Variants in SNX29 observed in about 807,000 individuals in gnomAD.
SNX29 encodes the protein sorting nexin 29.
A neutral mutation model predicts 102.1 loss-of-function variants in SNX29; 78 were observed. The observed-to-expected ratio is 0.76, with a 90% CI of 0.64 to 0.92. SNX29 has a LOEUF of 0.92. Among genes scored for constraint, SNX29 ranks in the 40% least tolerant of loss-of-function variants. The pLI is 0.00. For synonymous variants in SNX29, 580 were observed against 414.5 expected (o/e 1.40, Z -4.85); for missense variants, 1,280 against 1,061.7 (o/e 1.21, Z -2.86).
chr16:12,559,078 C>CT (rs1416572134), intron 20 of SNX29, among the ~76,000 whole-genome samples: 14 of 152,230 alleles, frequency 9.2e-5, no homozygotes, highest in African/African-American at 3.1e-4. Flanking sequence ...ACCGCTGTGT[C>CT]CCCGTGCTCC....
chr16:12,202,620 T>G lies in SNX29; in HGVS notation c.1678+2937T>G, dbSNP rs539496069. Among the ~76,000 whole-genome samples the G allele has an allele frequency of 9.8e-5, 15 of 152,330 alleles. No individual in the cohort carries two copies. The South Asian group carries it at 3.1e-3, about 32-fold the overall frequency. ...CTGTTGTTAATGGCGTTGGACACCC[T>G]TTCTCCTCGCCACGGAGCCAGTGTA... On this transcript the variant is annotated intron_variant, in intron 14 of 20. Transcript: ENST00000566228.
chr16:12,541,387 C>G (rs907062802), intron 20 of SNX29, among the ~76,000 whole-genome samples: 1 of 152,160 alleles, frequency 6.6e-6, no homozygotes, highest in Non-Finnish European at 1.5e-5. Context: ...TTACCATGTG[C>G]AGGCTCATTG....
chr16:12,137,163 A>G (rs1428040976), intron 13 of SNX29, among the ~76,000 whole-genome samples: 2 of 152,130 alleles, frequency 1.3e-5, no homozygotes, highest in African/African-American at 2.4e-5. Context: ...ATTTTTTCCT[A>G]GGATTGTTGG....
intron 18 of SNX29, among the ~76,000 whole-genome samples, chr16:12,423,696 G>A (rs1397353329): frequency 2.0e-5 from 3 of 152,022 alleles, no homozygotes; most frequent in Non-Finnish European, 4.4e-5. Context: ...TCAGCCTCCC[G>A]AATAGCTGGG....
intron 15 of SNX29, among the ~76,000 whole-genome samples, chr16:12,312,306 CCT>C (rs1198542279): frequency 6.6e-6 from 1 of 152,194 alleles, no homozygotes. Context: ...AGGGCTTGCT[CCT>C]CTCTGAATTT....
intron 11 of SNX29, among the ~76,000 whole-genome samples, chr16:12,088,549 G>C (rs913799274): frequency 6.6e-6 from 1 of 152,198 alleles, no homozygotes; most frequent in African/African-American, 2.4e-5. Context: ...ATGGCGTTTC[G>C]AGTGTTGACA....
chr16:12,515,413 A>T, intron 19 of SNX29: 1 of 439,242 alleles, frequency 2.3e-6, no homozygotes, highest in Non-Finnish European at 4.6e-6. Context: ...GAATGAGAGG[A>T]TGAATGATTG....
At chr16:12,502,984 C>G (rs545118943) in intron 19 of SNX29, among the ~76,000 whole-genome samples, 2 of 152,332 alleles carry the variant, frequency 1.3e-5, no homozygotes, top group African/African-American at 4.8e-5. Flanking sequence ...GTGTTTAAGA[C>G]TATGTGCCTT....
chr16:12,479,670 G>T (rs2151826472), intron 19 of SNX29, among the ~76,000 whole-genome samples: 1 of 152,256 alleles, frequency 6.6e-6, no homozygotes, highest in African/African-American at 2.4e-5. Context: ...TGACCCATAG[G>T]CTCATACAAA....
chr16:12,277,836 G>A (rs2079303032), intron 14 of SNX29, 97 bp from the exon 15 acceptor site: 1 of 1,000,336 alleles, frequency 1.0e-6, no homozygotes. Context: ...TTTTCAGTCT[G>A]AAGTCATCTG....
intron 19 of SNX29, among the ~76,000 whole-genome samples, chr16:12,507,710 A>G (rs917445792): frequency 4.6e-5 from 7 of 152,138 alleles, no homozygotes; most frequent in Admixed American, 3.3e-4. Context: ...CTTATGAGAA[A>G]ACTCCAGAAC....
intron 20 of SNX29, among the ~76,000 whole-genome samples, chr16:12,563,913 G>A (rs753095345): frequency 2.0e-5 from 3 of 152,224 alleles, no homozygotes; most frequent in East Asian, 1.9e-4. Context: ...GCAGGCAGCC[G>A]AAGACCTACA....
chr16:12,557,015 A>AT (rs2078403568), intron 20 of SNX29, among the ~76,000 whole-genome samples: 1 of 31,812 alleles, frequency 3.1e-5, no homozygotes, highest in African/African-American at 1.4e-4. Flanking sequence ...TGGCTAATTT[A>AT]CCCCCCCCCC....
rs530372021 is a variant in SNX29, at chr16:12,072,012, G to C, written c.1319+2880G>C. ...AGAATGCTTGTGATTTTTGTACATT[G>C]ATTTTGTATCCTGAGACTTTGCTGA... On this transcript the variant is annotated intron_variant, in intron 10 of 20. Transcript: ENST00000566228. Among the ~76,000 whole-genome samples the C allele has an allele frequency of 5.8e-4, 88 of 152,298 alleles. No individual in the cohort carries two copies. In the South Asian group the frequency reaches 0.018, roughly 31 times the overall value.
chr16:11,985,309 G>A (rs1464627929), intron 1 of SNX29, among the ~76,000 whole-genome samples: 1 of 152,156 alleles, frequency 6.6e-6, no homozygotes, highest in Non-Finnish European at 1.5e-5. Flanking sequence ...ACTGGGGTCT[G>A]TTGAAGCAAA....
At chr16:12,554,122 C>A (rs115162538) in intron 20 of SNX29, among the ~76,000 whole-genome samples, 5 of 152,272 alleles carry the variant, frequency 3.3e-5, no homozygotes, top group African/African-American at 7.2e-5. Context: ...GCCACCATGC[C>A]CAGCCTGGAT....
At chr16:12,554,791 T>A (rs1394277728) in intron 20 of SNX29, among the ~76,000 whole-genome samples, 2 of 152,160 alleles carry the variant, frequency 1.3e-5, no homozygotes, top group Admixed American at 1.3e-4. Flanking sequence ...AATGCAATTG[T>A]TTATTCTAGA....
chr16:12,550,801 G>A (rs553235330), intron 20 of SNX29, among the ~76,000 whole-genome samples: 4 of 152,256 alleles, frequency 2.6e-5, no homozygotes, highest in East Asian at 3.9e-4. Context: ...GGAAGAGGGA[G>A]CCAAGAATAT....
At chr16:12,361,403 A>G (rs2082295934) in intron 16 of SNX29, among the ~76,000 whole-genome samples, 1 of 152,274 alleles carries the variant, frequency 6.6e-6, no homozygotes, top group Non-Finnish European at 1.5e-5. Context: ...CATCATTCTC[A>G]TTGTGGATAA....
Sources: gnomAD v4.1 joint callset for allele counts (sites outside exome capture counted in the v4.1 genomes callset) on GRCh38, gnomAD v4.1.1 for gene constraint, MANE v1.5 for transcripts, NCBI Gene and HGNC (gene_info 2026-07-23, HGNC 2026-07-21) for gene names.